Variants in TMEFF2 observed in about 807,000 individuals in gnomAD.
The protein encoded by TMEFF2 is tomoregulin-2.
TMEFF2 carries 28 observed loss-of-function variants against 53.8 expected under a neutral mutation model. The ratio of observed to expected loss-of-function variants is 0.52; its 90% CI spans 0.39 to 0.71. The LOEUF is 0.71. Among genes scored for constraint, TMEFF2 ranks in the 30% least tolerant of loss-of-function variants. The pLI, the probability that TMEFF2 is intolerant of heterozygous loss-of-function variation, is 0.00. For missense variants in TMEFF2, 353 were observed against 455.2 expected (o/e 0.78, Z 2.04); for synonymous variants, 162 against 166.3 (o/e 0.97, Z 0.20).
At chr2:192,070,206 T>C (rs750179299) in intron 4 of TMEFF2, among the ~76,000 whole-genome samples, 27 of 151,498 alleles carry the variant, frequency 1.8e-4, no homozygotes, top group Non-Finnish European at 3.0e-4. Context: ...TGATTTAGAT[T>C]TGTGAATGAA....
chr2:192,173,424 T>A lies in TMEFF2; in HGVS notation c.439+6244A>T, dbSNP rs1011799798. Among the ~76,000 whole-genome samples the A allele has an allele frequency of 2.6e-5, 4 of 151,884 alleles. No individual in the cohort carries two copies. In the South Asian group the frequency reaches 8.3e-4, roughly 32 times the overall value. ...GACATCAAGCAGAATTGTAATAAAA[T>A]CTTCCCATCAATTTTGAAAGAATCT... On this transcript the variant is annotated intron_variant, in intron 4 of 9. Coordinates refer to ENST00000272771, the MANE Select transcript of TMEFF2 (RefSeq NM_016192.4).
At chr2:192,138,104 C>G (rs561475936) in intron 4 of TMEFF2, among the ~76,000 whole-genome samples, 1 of 152,280 alleles carries the variant, frequency 6.6e-6, no homozygotes, top group South Asian at 2.1e-4. Flanking sequence ...CAGGCATGAG[C>G]CACTGCGCCC....
At chr2:192,028,774 T>C (rs951302595) in intron 5 of TMEFF2, 7 of 152,298 alleles carry the variant, frequency 4.6e-5, no homozygotes, top group African/African-American at 1.7e-4. Flanking sequence ...ATACAAATTG[T>C]GTAATTTTGG....
chr2:191,998,704 AT>A (rs1686283324), intron 6 of TMEFF2, among the ~76,000 whole-genome samples: 1 of 151,970 alleles, frequency 6.6e-6, no homozygotes, highest in Non-Finnish European at 1.5e-5. Flanking sequence ...AAATGAAGTG[AT>A]TTGCTTTTAG....
rs1347944609 is a variant in TMEFF2, at chr2:192,194,002, T to C, written c.172+351A>G. On this transcript the variant is annotated intron_variant, in intron 1 of 9. Transcript: ENST00000272771. The surrounding 1 kb of genome is among the most constrained non-coding windows in gnomAD (Gnocchi z 4.2). Reference sequence around the variant, plus strand: ...CTAGTAAGACTTTTTTCTTTAATGATGACAAAGCTTCTGTTTCAGTGTTTC... The same window carrying C: ...CTAGTAAGACTTTTTTCTTTAATGACGACAAAGCTTCTGTTTCAGTGTTTC... 6.6e-6 allele frequency among the ~76,000 whole-genome samples: 1 copy of C among 152,214 alleles called. No homozygotes were observed. The highest frequency in any genetic ancestry group is 1.5e-5 in the Non-Finnish European group (1 of 68,038).
intron 4 of TMEFF2, among the ~76,000 whole-genome samples, chr2:192,154,813 C>T (rs1013347600): frequency 1.3e-5 from 2 of 151,834 alleles, no homozygotes; most frequent in Admixed American, 6.6e-5. Flanking sequence ...CTTCATGCAG[C>T]TGATTTTTGA....
At chr2:192,126,958 A>C (rs371344065) in intron 4 of TMEFF2, among the ~76,000 whole-genome samples, 10 of 152,340 alleles carry the variant, frequency 6.6e-5, no homozygotes, top group Admixed American at 3.9e-4. Context: ...TTTGGGTTTT[A>C]GAATTTTGTT....
At chr2:192,044,089 C>T (rs1687553013) in intron 5 of TMEFF2, 1 of 152,164 alleles carries the variant, frequency 6.6e-6, no homozygotes, top group African/African-American at 2.4e-5. Context: ...TAAGAACAAC[C>T]AGAATCAGTT....
At chr2:192,035,686 C>G (rs1210054112) in intron 5 of TMEFF2, among the ~76,000 whole-genome samples, 1 of 152,164 alleles carries the variant, frequency 6.6e-6, no homozygotes, top group Non-Finnish European at 1.5e-5. Context: ...AGTCCCAAAT[C>G]CATTTTCTTT....
chr2:192,050,812 GA>G (rs1186599022), intron 5 of TMEFF2, among the ~76,000 whole-genome samples: 2 of 152,084 alleles, frequency 1.3e-5, no homozygotes, highest in Non-Finnish European at 2.9e-5. Flanking sequence ...GATAGGTGAA[GA>G]AATACAGAAA....
chr2:192,095,848 A>C (rs1174338799), intron 4 of TMEFF2, among the ~76,000 whole-genome samples: 2 of 152,330 alleles, frequency 1.3e-5, no homozygotes, highest in South Asian at 2.1e-4. Context: ...ATAAATAATA[A>C]ATATACAGCA....
rs149420152 is a variant in TMEFF2 at position 191,990,735 on chromosome 2, A to G, written c.745+7527T>C. On this transcript the variant is annotated intron_variant, in intron 7 of 9. Coordinates refer to ENST00000272771, the MANE Select transcript of TMEFF2 (RefSeq NM_016192.4). ...GTCTTTTCTTTACTATGAGTTCATTAAAAACATTTGTTTTGATCTCTTTGC... is the reference window on the plus strand; with the variant it reads ...GTCTTTTCTTTACTATGAGTTCATTGAAAACATTTGTTTTGATCTCTTTGC... Among the ~76,000 whole-genome samples the G allele has an allele frequency of 7.6e-3, 1,138 of 150,042 alleles. 6 individuals carry two copies. Among genetic ancestry groups the G allele is most frequent in the Admixed American group, 0.012 (187 of 14,972 alleles).
intron 4 of TMEFF2, among the ~76,000 whole-genome samples, chr2:192,098,329 T>C (rs534950564): frequency 6.6e-6 from 1 of 152,332 alleles, no homozygotes; most frequent in East Asian, 1.9e-4. Flanking sequence ...TTGAACATGT[T>C]TGGTCAATAT....
chr2:191,956,847 A>G (rs1406849981), intron 7 of TMEFF2, among the ~76,000 whole-genome samples: 1 of 152,226 alleles, frequency 6.6e-6, no homozygotes, highest in East Asian at 1.9e-4. Context: ...ACATTTTCCA[A>G]ACCGAATGCA....
intron 2 of TMEFF2, among the ~76,000 whole-genome samples, chr2:192,191,488 T>A (rs887473215): frequency 2.0e-5 from 3 of 152,066 alleles, no homozygotes; most frequent in Admixed American, 2.0e-4. Flanking sequence ...TTAAAACAGA[T>A]AGCAATAAGA....
intron 4 of TMEFF2, among the ~76,000 whole-genome samples, chr2:192,111,016 C>A (rs1327848103): frequency 1.3e-5 from 2 of 152,150 alleles, no homozygotes; most frequent in African/African-American, 4.8e-5. Flanking sequence ...CCTCCCTGGC[C>A]ACGTGTAACT....
intron 5 of TMEFF2, among the ~76,000 whole-genome samples, chr2:192,049,630 T>C (rs1170051169): frequency 6.6e-6 from 1 of 151,870 alleles, no homozygotes; most frequent in African/African-American, 2.4e-5. Context: ...GTTTAATGAG[T>C]GAGCACCAAA....
intron 4 of TMEFF2, among the ~76,000 whole-genome samples, chr2:192,072,250 A>C (rs1014838495): frequency 6.6e-6 from 1 of 151,954 alleles, no homozygotes; most frequent in African/African-American, 2.4e-5. Context: ...AAGGTGCAAG[A>C]ATATACCTAA....
intron 4 of TMEFF2, among the ~76,000 whole-genome samples, chr2:192,102,199 A>C (rs1689045758): frequency 6.6e-6 from 1 of 152,148 alleles, no homozygotes; most frequent in Non-Finnish European, 1.5e-5. Context: ...AAAAAGAAAA[A>C]CAAAAAAAAT....
Sources: allele counts gnomAD v4.1 joint callset (sites outside exome capture counted in the v4.1 genomes callset), GRCh38; gene constraint gnomAD v4.1.1; non-coding constraint Gnocchi (gnomAD v3.1); transcripts MANE v1.5; gene names NCBI Gene and HGNC (gene_info 2026-07-23, HGNC 2026-07-21).